CNTN4: variants seen among roughly 807,000 people sequenced by gnomAD.
CNTN4 encodes contactin 4.
CNTN4 carries 77 observed loss-of-function variants against 122.5 expected under a neutral mutation model. That is an observed-to-expected ratio of 0.63 (90% CI 0.52 to 0.76). The LOEUF is 0.76. Ranked by LOEUF, CNTN4 falls within the 30% of genes least tolerant of loss-of-function variation. The probability of loss-of-function intolerance (pLI) is 0.00; values close to 1 mark genes in which losing one functional copy is unlikely to be tolerated. For missense variants in CNTN4, 1,256 were observed against 1,259.1 expected, an observed-to-expected ratio of 1.00 and a Z score of 0.04; for synonymous variants, 512 against 447.0, an observed-to-expected ratio of 1.15 and a Z score of -1.83.
intron 13 of CNTN4, among the ~76,000 whole-genome samples, chr3:2,971,724 A>G (rs1287520580): frequency 6.6e-6 from 1 of 152,178 alleles, no homozygotes; most frequent in Non-Finnish European, 1.5e-5. Flanking sequence ...TCAGATCCAT[A>G]AAAACTTTAT....
chr3:2,734,082 T>C (rs13087422), intron 4 of CNTN4, among the ~76,000 whole-genome samples: 2 of 152,118 alleles, frequency 1.3e-5, no homozygotes, highest in Admixed American at 6.5e-5. Context: ...TGTTTTGAGA[T>C]AGCGTCTTGG....
intron 14 of CNTN4, among the ~76,000 whole-genome samples, chr3:3,017,122 C>T (rs2125560309): frequency 6.6e-6 from 1 of 152,280 alleles, no homozygotes; most frequent in East Asian, 1.9e-4. Context: ...TGTCTTCAGC[C>T]AAAATACACT....
intron 5 of CNTN4, among the ~76,000 whole-genome samples, chr3:2,736,733 G>T (rs1213516189): frequency 6.6e-6 from 1 of 151,914 alleles, no homozygotes; most frequent in African/African-American, 2.4e-5. Context: ...AAAGTGCTGG[G>T]ATTACAGGCG....
intron 6 of CNTN4, among the ~76,000 whole-genome samples, chr3:2,787,042 G>C (rs914704775): frequency 2.0e-5 from 3 of 152,140 alleles, no homozygotes; most frequent in African/African-American, 7.2e-5. Context: ...CATACAGTTT[G>C]ATCTTAATAG....
chr3:2,279,539 T>C (rs918597016), intron 2 of CNTN4, among the ~76,000 whole-genome samples: 9 of 152,162 alleles, frequency 5.9e-5, no homozygotes, highest in African/African-American at 2.2e-4. Context: ...AACAAGTCAC[T>C]GTCTGGAAAA....
intron 3 of CNTN4, among the ~76,000 whole-genome samples, chr3:2,471,312 C>T (rs1192693694): frequency 2.0e-5 from 3 of 152,020 alleles, no homozygotes; most frequent in Non-Finnish European, 4.4e-5. Flanking sequence ...GGAGAAAAAT[C>T]CTAGGTGGAA....
chr3:2,871,558 C>G (rs2093784695), intron 8 of CNTN4, among the ~76,000 whole-genome samples: 1 of 151,940 alleles, frequency 6.6e-6, no homozygotes. Context: ...ATTTTTAGAA[C>G]ATTGTTTGAT....
chr3:2,265,068 G>A lies in CNTN4; in HGVS notation c.-144-74110G>A, dbSNP rs142975311. Among the ~76,000 whole-genome samples the A allele has an allele frequency of 2.4e-3, 359 of 151,970 alleles. 6 individuals are homozygous for A. The highest frequency in any genetic ancestry group is 8.5e-4 in the Non-Finnish European group (58 of 67,984). On this transcript the variant is annotated intron_variant, in intron 2 of 24. Coordinates refer to ENST00000418658, the MANE Select transcript of CNTN4 (RefSeq NM_175607.3). ...CATTGTATCATTCTTATGCCTTTGC[G>A]CCCCCATAGCTTAGCTCTCACTTAT...
intron 4 of CNTN4, among the ~76,000 whole-genome samples, chr3:2,629,764 C>CTGTT (rs988206231): frequency 3.9e-5 from 6 of 152,082 alleles, no homozygotes; most frequent in African/African-American, 9.7e-5. Context: ...CTGTGTTATT[C>CTGTT]TGTTTGTTTG....
At chr3:2,907,256 G>A (rs570152748) in intron 12 of CNTN4, among the ~76,000 whole-genome samples, 4 of 152,106 alleles carry the variant, frequency 2.6e-5, no homozygotes, top group Non-Finnish European at 5.9e-5. Flanking sequence ...GAAACAAAAT[G>A]GAAACAAGAT....
intron 3 of CNTN4, among the ~76,000 whole-genome samples, chr3:2,488,922 A>G (rs1325645764): frequency 1.3e-5 from 2 of 152,220 alleles, no homozygotes; most frequent in Non-Finnish European, 2.9e-5. Context: ...AATAATAGAT[A>G]GTCTAGAATC....
chr3:2,910,877 G>C (rs55885900), intron 12 of CNTN4, among the ~76,000 whole-genome samples: 1 of 151,544 alleles, frequency 6.6e-6, no homozygotes, highest in Non-Finnish European at 1.5e-5. Context: ...CAATGGACCA[G>C]TTGCCATTGA....
At chr3:2,973,358 A>G (rs1209720557) in intron 13 of CNTN4, among the ~76,000 whole-genome samples, 3 of 152,056 alleles carry the variant, frequency 2.0e-5, no homozygotes, top group Non-Finnish European at 4.4e-5. Context: ...AAAAGTAAAT[A>G]CAGCTGACAC....
intron 3 of CNTN4, among the ~76,000 whole-genome samples, chr3:2,445,354 G>GTAT (rs1559558683): frequency 6.6e-6 from 1 of 151,312 alleles, no homozygotes; most frequent in Non-Finnish European, 1.5e-5. Context: ...CCACATCCAG[G>GTAT]TATTACCACC....
At chr3:3,026,344 G>T (rs1254885652) in intron 15 of CNTN4, 67 bp downstream of exon 15, 2 of 1,374,090 alleles carry the variant, frequency 1.5e-6, no homozygotes, top group East Asian at 4.8e-5. Context: ...TATATTTAAA[G>T]TTACTATTTT....
At chr3:3,010,298 C>A (rs1462403721) in intron 14 of CNTN4, among the ~76,000 whole-genome samples, 2 of 151,874 alleles carry the variant, frequency 1.3e-5, no homozygotes, top group East Asian at 3.9e-4. Context: ...CCCGAATTCC[C>A]AAATCTTTGG....
intron 21 of CNTN4, among the ~76,000 whole-genome samples, chr3:3,042,651 A>G (rs1700271354): frequency 6.6e-6 from 1 of 152,168 alleles, no homozygotes; most frequent in Non-Finnish European, 1.5e-5. Context: ...AAATCTAAGC[A>G]TTTACGGGAT....
intron 2 of CNTN4, among the ~76,000 whole-genome samples, chr3:2,282,319 G>A (rs2041746081): frequency 6.6e-6 from 1 of 151,828 alleles, no homozygotes; most frequent in Non-Finnish European, 1.5e-5. Context: ...TTTCTCTAAG[G>A]CATCTTCCTT....
intron 3 of CNTN4, among the ~76,000 whole-genome samples, chr3:2,408,759 A>G (rs924722897): frequency 5.9e-5 from 9 of 152,188 alleles, no homozygotes; most frequent in Non-Finnish European, 1.3e-4. Context: ...TCATCATAGA[A>G]TAAAATGTGG....
Sources: allele counts gnomAD v4.1 joint callset (sites outside exome capture counted in the v4.1 genomes callset), GRCh38; gene constraint gnomAD v4.1.1; transcripts MANE v1.5; gene names NCBI Gene and HGNC (gene_info 2026-07-23, HGNC 2026-07-21).